TUT4: variants seen among roughly 807,000 people sequenced by gnomAD.
TUT4 encodes terminal uridylyl transferase 4.
Under a neutral mutation model 192.2 loss-of-function variants are expected in TUT4, and 36 were observed. The observed-to-expected ratio is 0.19, with a 90% CI of 0.14 to 0.25. The LOEUF is 0.25. TUT4 is among the 10% of genes least tolerant of loss of function. The probability of loss-of-function intolerance (pLI) is 1.00; values close to 1 mark genes in which losing one functional copy is unlikely to be tolerated. For missense variants in TUT4, 1,493 were observed against 1,957.2 expected (o/e 0.76, Z 4.47); for synonymous variants, 618 against 666.0 (o/e 0.93, Z 1.11).
chr1:52,546,011 C>A (rs988917871), intron 1 of TUT4, among the ~76,000 whole-genome samples: 3 of 150,114 alleles, frequency 2.0e-5, no homozygotes, highest in African/African-American at 7.4e-5. Context: ...TGGTCGCAAG[C>A]GCCCACAGTC....
intron 29 of TUT4, chr1:52,425,135 A>G (rs1649407943): frequency 2.3e-6 from 1 of 434,448 alleles, no homozygotes; most frequent in South Asian, 8.1e-5. Flanking sequence ...CTCCTTTTCT[A>G]TTTAACATGT....
At chr1:52,535,421 A>G (rs1267608484) in intron 1 of TUT4, among the ~76,000 whole-genome samples, 1 of 152,112 alleles carries the variant, frequency 6.6e-6, no homozygotes, top group African/African-American at 2.4e-5. Flanking sequence ...TTTCATAGTT[A>G]TAATCTCATA....
chr1:52,435,264 C>G (rs1653388126), intron 27 of TUT4, 101 bp downstream of exon 27: 11 of 902,322 alleles, frequency 1.2e-5, no homozygotes, highest in Non-Finnish European at 1.9e-5. Context: ...ACTGTGTAAT[C>G]TGGAAGATTG....
chr1:52,448,016 T>C (rs184323491), intron 20 of TUT4, among the ~76,000 whole-genome samples: 74 of 152,348 alleles, frequency 4.9e-4, no homozygotes, highest in Admixed American at 1.6e-3. Flanking sequence ...TAACTACATG[T>C]CTGGCCCCTC....
At chr1:52,452,668 G>C (rs754919530) in intron 20 of TUT4, among the ~76,000 whole-genome samples, 1 of 152,160 alleles carries the variant, frequency 6.6e-6, no homozygotes, top group Non-Finnish European at 1.5e-5. Flanking sequence ...TGCCCTGATA[G>C]GGCATGAAAA....
intron 28 of TUT4, among the ~76,000 whole-genome samples, chr1:52,430,701 A>T (rs1024851712): frequency 2.0e-5 from 3 of 152,254 alleles, no homozygotes. Context: ...TTAAAATACT[A>T]AAATAATAGC....
At chr1:52,435,033 A>G (rs928706015) in intron 27 of TUT4, 3 of 165,948 alleles carry the variant, frequency 1.8e-5, no homozygotes, top group Non-Finnish European at 3.9e-5. Context: ...TTTTTGGTCT[A>G]TTTTTATTAA....
At chr1:52,546,136 C>A (rs1189136952) in intron 1 of TUT4, among the ~76,000 whole-genome samples, 1 of 151,980 alleles carries the variant, frequency 6.6e-6, no homozygotes, top group Non-Finnish European at 1.5e-5. Context: ...CAGATCTTGT[C>A]TCATAAATAA....
intron 26 of TUT4, 119 bp downstream of exon 26, chr1:52,436,636 G>A (rs1456572035): frequency 2.0e-6 from 3 of 1,471,456 alleles, no homozygotes; most frequent in Non-Finnish European, 2.7e-6. Context: ...TTAAGAAATT[G>A]TAAGGTCCAA....
In TUT4 at chr1:52,519,938, G is replaced by A. The variant is rs540412835; in HGVS notation, c.719-3884C>T. Among the ~76,000 whole-genome samples, 4 of 152,204 alleles carry A rather than the reference G, an allele frequency of 2.6e-5. No individual in the cohort carries two copies. In the South Asian group the frequency reaches 8.3e-4, roughly 32 times the overall value. ...GGAGGCTGAGGCAGGAGAATTGCTT[G>A]AACCCGGGAGGCGGTGGTTGAAGTG... is the stretch of plus-strand genomic sequence containing the variant. On this transcript the variant is annotated intron_variant, in intron 2 of 29. Coordinates refer to ENST00000257177, the MANE Select transcript of TUT4 (RefSeq NM_001009881.3).
intron 4 of TUT4, among the ~76,000 whole-genome samples, chr1:52,504,206 T>C (rs1411998574): frequency 3.9e-5 from 6 of 152,146 alleles, no homozygotes; most frequent in Non-Finnish European, 5.9e-5. Flanking sequence ...CTCAATTCCA[T>C]TCTCACTAAC....
chr1:52,428,838 G>A (rs1191159442), intron 28 of TUT4, among the ~76,000 whole-genome samples: 1 of 151,772 alleles, frequency 6.6e-6, no homozygotes, highest in African/African-American at 2.4e-5. Context: ...ACAAGGACTG[G>A]GTATTAGATG....
chr1:52,503,554 C>A lies in TUT4; in HGVS notation c.999+6042G>T, dbSNP rs946942230. ...ACTGTTCTTCCCAGGATTATCAAAA[C>A]CTCCTTAGTTGCCAAATCTGACATT... On this transcript the variant is annotated intron_variant, in intron 4 of 29. Coordinates refer to ENST00000257177, the MANE Select transcript of TUT4 (RefSeq NM_001009881.3). Among the ~76,000 whole-genome samples the A allele has an allele frequency of 2.0e-5, 3 of 151,990 alleles. No homozygotes were observed. The East Asian group carries it at 5.8e-4, about 29-fold the overall frequency.
chr1:52,542,319 G>A (rs535612580), intron 1 of TUT4, among the ~76,000 whole-genome samples: 4 of 152,252 alleles, frequency 2.6e-5, no homozygotes, highest in African/African-American at 9.6e-5. Context: ...CTGAATGTAT[G>A]CTTAGCTACC....
At chr1:52,443,524 G>C (rs1557666015) in intron 24 of TUT4, among the ~76,000 whole-genome samples, 1 of 151,984 alleles carries the variant, frequency 6.6e-6, no homozygotes, top group Non-Finnish European at 1.5e-5. Context: ...GGGAGGCGGA[G>C]GTTGTGGTGA....
intron 3 of TUT4, among the ~76,000 whole-genome samples, 176 bp from the exon 4 acceptor site, chr1:52,509,888 ATAG>A (rs1314817395): frequency 7.9e-5 from 12 of 152,140 alleles, no homozygotes; most frequent in African/African-American, 2.9e-4. Flanking sequence ...TACTGAAGAG[ATAG>A]TAGTCCTTTT....
intron 11 of TUT4, among the ~76,000 whole-genome samples, chr1:52,478,124 T>C (rs1380044640): frequency 2.0e-4 from 31 of 152,146 alleles, no homozygotes. Context: ...ATTAGAATCA[T>C]GTGGAGAGCA....
At chr1:52,459,449 C>T (rs1339888550) in intron 19 of TUT4, among the ~76,000 whole-genome samples, 1 of 151,372 alleles carries the variant, frequency 6.6e-6, no homozygotes, top group Non-Finnish European at 1.5e-5. Context: ...AATAGTTGGG[C>T]ATGGTGGCAC....
chr1:52,514,442 A>AAAAAC (rs1014292019), intron 3 of TUT4, among the ~76,000 whole-genome samples: 2 of 152,230 alleles, frequency 1.3e-5, no homozygotes, highest in Admixed American at 6.5e-5. Context: ...CTCTGTCTCA[A>AAAAAC]AAAACAAAAC....
Sources: allele counts gnomAD v4.1 joint callset (sites outside exome capture counted in the v4.1 genomes callset), GRCh38; gene constraint gnomAD v4.1.1; transcripts MANE v1.5; gene names NCBI Gene and HGNC (gene_info 2026-07-23, HGNC 2026-07-21).